Variants in LCLAT1 observed in about 807,000 individuals in gnomAD.
LCLAT1 encodes the protein 1-AGP acyltransferase 8.
LCLAT1 carries 11 observed loss-of-function variants against 30.7 expected under a neutral mutation model. The observed-to-expected ratio is 0.36, with a 90% CI of 0.23 to 0.59. The LOEUF is 0.59. Among genes scored for constraint, LCLAT1 ranks in the 20% least tolerant of loss-of-function variants. The pLI is 0.77. For synonymous variants in LCLAT1, 155 were observed against 151.3 expected (o/e 1.02, Z -0.18); for missense variants, 402 against 458.6 (o/e 0.88, Z 1.13).
intron 1 of LCLAT1, among the ~76,000 whole-genome samples, chr2:30,466,858 C>A (rs2148283862): frequency 6.6e-6 from 1 of 152,246 alleles, no homozygotes; most frequent in East Asian, 1.9e-4. Context: ...TTAAGAATTT[C>A]AAATCTTTAG....
chr2:30,468,896 T>G (rs1444768363), intron 1 of LCLAT1, among the ~76,000 whole-genome samples: 2 of 152,250 alleles, frequency 1.3e-5, no homozygotes, highest in Non-Finnish European at 2.9e-5. Context: ...GCAAATTTTC[T>G]GCATCCTTAC....
At chr2:30,506,062 A>G (rs1040839032) in intron 1 of LCLAT1, among the ~76,000 whole-genome samples, 3 of 152,128 alleles carry the variant, frequency 2.0e-5, no homozygotes, top group Non-Finnish European at 4.4e-5. Context: ...ATATAACTGA[A>G]GTTTGGCCCC....
intron 1 of LCLAT1, among the ~76,000 whole-genome samples, chr2:30,523,119 T>C (rs1041289797): frequency 1.3e-4 from 20 of 150,396 alleles, no homozygotes; most frequent in African/African-American, 4.9e-4. Flanking sequence ...CAGAGCTAGC[T>C]AATCACTAAT....
intron 3 of LCLAT1, among the ~76,000 whole-genome samples, chr2:30,551,041 C>T (rs767894394): frequency 2.6e-5 from 4 of 152,054 alleles, no homozygotes; most frequent in Non-Finnish European, 4.4e-5. Flanking sequence ...TGCGGTGGTG[C>T]GTTCACAGCT....
At chr2:30,492,690 T>G (rs1683893688) in intron 1 of LCLAT1, among the ~76,000 whole-genome samples, 1 of 152,228 alleles carries the variant, frequency 6.6e-6, no homozygotes, top group Non-Finnish European at 1.5e-5. Context: ...CTAGATATTT[T>G]TAGTTCTTGG....
chr2:30,593,360 C>T (rs1666779131), intron 5 of LCLAT1, among the ~76,000 whole-genome samples: 1 of 152,146 alleles, frequency 6.6e-6, no homozygotes, highest in Non-Finnish European at 1.5e-5. Flanking sequence ...AATAGTGCTG[C>T]AATAAACATG....
At chr2:30,605,553 A>C (rs1246041175) in intron 5 of LCLAT1, among the ~76,000 whole-genome samples, 2 of 152,206 alleles carry the variant, frequency 1.3e-5, no homozygotes, top group African/African-American at 4.8e-5. Context: ...TCAAACATTT[A>C]GATATGTAAG....
intron 3 of LCLAT1, among the ~76,000 whole-genome samples, chr2:30,545,987 A>T (rs1392132529): frequency 6.6e-6 from 1 of 152,178 alleles, no homozygotes; most frequent in South Asian, 2.1e-4. Context: ...ATATGACCTC[A>T]TGATTTCATA....
At chr2:30,602,195 T>A (rs933884824) in intron 5 of LCLAT1, among the ~76,000 whole-genome samples, 1 of 152,170 alleles carries the variant, frequency 6.6e-6, no homozygotes, top group Non-Finnish European at 1.5e-5. Context: ...TAAGTGTGTT[T>A]GAGAAAGATG....
chr2:30,509,245 T>C (rs541937029), intron 1 of LCLAT1, among the ~76,000 whole-genome samples: 1 of 152,354 alleles, frequency 6.6e-6, no homozygotes, highest in South Asian at 2.1e-4. Flanking sequence ...TCTTCCTATT[T>C]GGATGCTCTT....
At chr2:30,541,795 G>A (rs566863524) in intron 3 of LCLAT1, among the ~76,000 whole-genome samples, 5 of 151,592 alleles carry the variant, frequency 3.3e-5, no homozygotes, top group Non-Finnish European at 7.4e-5. Flanking sequence ...GTGTAACTTT[G>A]TAACTTCCAT....
intron 4 of LCLAT1, 81 bp from the exon 5 acceptor site, chr2:30,567,978 CA>C (rs1403432419): frequency 1.1e-4 from 72 of 684,642 alleles, no homozygotes; most frequent in Admixed American, 1.3e-4. Flanking sequence ...TATTTTTTAT[CA>C]AAAAAAATTC....
intron 4 of LCLAT1, among the ~76,000 whole-genome samples, chr2:30,562,554 G>T (rs1204890710): frequency 6.6e-6 from 1 of 152,140 alleles, no homozygotes; most frequent in East Asian, 1.9e-4. Context: ...CATCCCTAAG[G>T]TCACTCAGTT....
chr2:30,462,916 A>G (rs1442026535), intron 1 of LCLAT1, among the ~76,000 whole-genome samples: 1 of 152,104 alleles, frequency 6.6e-6, no homozygotes, highest in Non-Finnish European at 1.5e-5. Flanking sequence ...GATAGTTTTA[A>G]AAAGTCTTCT....
At chr2:30,462,094 A>G (rs974712521) in intron 1 of LCLAT1, among the ~76,000 whole-genome samples, 2 of 152,060 alleles carry the variant, frequency 1.3e-5, no homozygotes, top group African/African-American at 4.8e-5. Flanking sequence ...TTATCACATC[A>G]TTTTTGAACT....
At position 30,471,989 on chromosome 2, in the gene LCLAT1, T is replaced by C. The variant is rs181921526; in HGVS notation, c.-5+24606T>C. On this transcript the variant is annotated intron_variant, in intron 1 of 5. Coordinates refer to ENST00000379509, the MANE Select transcript of LCLAT1 (RefSeq NM_001002257.3). ...TCACTTTATCCCTGAGCATGAAATA[T>C]GAACATCATTGTCATGAACCATTGC... is the stretch of plus-strand genomic sequence containing the variant. 6.4e-4 allele frequency among the ~76,000 whole-genome samples: 98 copies of C among 152,346 alleles called. 1 individual carries two copies. In the East Asian group the frequency reaches 0.018, roughly 27 times the overall value.
intron 5 of LCLAT1, among the ~76,000 whole-genome samples, chr2:30,586,054 A>G (rs771423874): frequency 2.0e-5 from 3 of 152,060 alleles, no homozygotes; most frequent in Non-Finnish European, 4.4e-5. Context: ...CATCCTGGCT[A>G]ACACGTGAAA....
At chr2:30,573,747 G>A (rs186423477) in intron 5 of LCLAT1, among the ~76,000 whole-genome samples, 15 of 152,150 alleles carry the variant, frequency 9.9e-5, no homozygotes, top group Admixed American at 9.2e-4. Context: ...TTTTTCTTAC[G>A]ATAGTATCAC....
At chr2:30,496,558 A>G (rs1449481843) in intron 1 of LCLAT1, among the ~76,000 whole-genome samples, 2 of 152,048 alleles carry the variant, frequency 1.3e-5, no homozygotes, top group Non-Finnish European at 2.9e-5. Flanking sequence ...CCATTTTTTC[A>G]TCTGTAAAAT....
Sources: gnomAD v4.1 joint callset for allele counts (sites outside exome capture counted in the v4.1 genomes callset) on GRCh38, gnomAD v4.1.1 for gene constraint, MANE v1.5 for transcripts, NCBI Gene and HGNC (gene_info 2026-07-23, HGNC 2026-07-21) for gene names.